The following NXN variants were observed in gnomAD, a reference collection of about 807,000 sequenced individuals.
NXN encodes nucleoredoxin 1.
NXN carries 16 observed loss-of-function variants against 48.6 expected under a neutral mutation model. That is an observed-to-expected ratio of 0.33 (90% CI 0.22 to 0.50). The LOEUF (loss-of-function observed/expected upper bound fraction) is 0.50. Ranked by LOEUF, NXN falls within the 20% of genes least tolerant of loss-of-function variation. The probability of loss-of-function intolerance (pLI) is 0.98; values close to 1 mark genes in which losing one functional copy is unlikely to be tolerated. For synonymous variants in NXN, 281 were observed against 269.6 expected (o/e 1.04, Z -0.41); for missense variants, 492 against 605.5 (o/e 0.81, Z 1.97).
chr17:839,254 G>A (rs1201999899), intron 1 of NXN, among the ~76,000 whole-genome samples: 3 of 151,878 alleles, frequency 2.0e-5, no homozygotes, highest in Non-Finnish European at 4.4e-5. Context: ...GGCCAACATG[G>A]TGAAACCCCA....
intron 1 of NXN, among the ~76,000 whole-genome samples, chr17:869,552 A>G (rs1045275686): frequency 1.3e-5 from 2 of 152,174 alleles, no homozygotes. Context: ...CACATACTTT[A>G]AGTATTATTT....
chr17:843,064 AAAGCAAGCAAGC>A (rs200717420), intron 1 of NXN, among the ~76,000 whole-genome samples: 13 of 138,098 alleles, frequency 9.4e-5, no homozygotes, highest in African/African-American at 3.0e-4. Flanking sequence ...AAGAAGGAAG[AAAGCAAGCAAGC>A]AAGCTGCACC....
At chr17:889,927 A>G (rs1205470198) in intron 1 of NXN, among the ~76,000 whole-genome samples, 1 of 152,042 alleles carries the variant, frequency 6.6e-6, no homozygotes, top group Non-Finnish European at 1.5e-5. Context: ...CGCTCCCCCA[A>G]CCTGCCGTAG....
chr17:844,577 T>C (rs543044456), intron 1 of NXN, among the ~76,000 whole-genome samples: 41 of 152,100 alleles, frequency 2.7e-4, no homozygotes, highest in Non-Finnish European at 5.7e-4. Context: ...GGTTTCTTTT[T>C]TTCTTTTCTT....
intron 1 of NXN, among the ~76,000 whole-genome samples, chr17:860,382 C>G (rs2068029415): frequency 1.1e-5 from 1 of 95,168 alleles, no homozygotes; most frequent in African/African-American, 4.3e-5. Flanking sequence ...CCTTGGCCTC[C>G]CAAAGTGCTG....
At chr17:871,717 T>C (rs957425148) in intron 1 of NXN, among the ~76,000 whole-genome samples, 5 of 152,170 alleles carry the variant, frequency 3.3e-5, no homozygotes, top group African/African-American at 1.2e-4. Flanking sequence ...TTGCTTTTGA[T>C]AAGTTTCCCT....
At chr17:843,195 AAC>A (rs1914478424) in intron 1 of NXN, among the ~76,000 whole-genome samples, 1 of 152,246 alleles carries the variant, frequency 6.6e-6, no homozygotes, top group Non-Finnish European at 1.5e-5. Context: ...AAATGTGCCG[AAC>A]GCAAAGTATT....
At chr17:804,274 CTTTTTTTTT>C (rs11325268) in intron 6 of NXN, among the ~76,000 whole-genome samples, 3 of 88,932 alleles carry the variant, frequency 3.4e-5, no homozygotes, top group Non-Finnish European at 6.4e-5. Context: ...TGGTCAGCGG[CTTTTTTTTT>C]TTTTTTTTTT....
chr17:894,894 C>T (rs917917525), intron 1 of NXN, among the ~76,000 whole-genome samples: 58 of 151,844 alleles, frequency 3.8e-4, no homozygotes, highest in Non-Finnish European at 6.9e-4. Flanking sequence ...ATGGCTGAAA[C>T]GTGGGCACAC....
At chr17:970,194 G>A (rs1056547846) in intron 1 of NXN, among the ~76,000 whole-genome samples, 12 of 152,138 alleles carry the variant, frequency 7.9e-5, no homozygotes, top group Non-Finnish European at 1.8e-4. Flanking sequence ...CCCGAGTAAC[G>A]GCACTGGGCT....
chr17:892,931 G>A (rs139240370), intron 1 of NXN, among the ~76,000 whole-genome samples: 91 of 152,340 alleles, frequency 6.0e-4, no homozygotes, highest in Non-Finnish European at 1.0e-3. Flanking sequence ...CAAATGTAGC[G>A]CACCAATGCA....
At chr17:865,306 G>A (rs935060538) in intron 1 of NXN, among the ~76,000 whole-genome samples, 1 of 151,750 alleles carries the variant, frequency 6.6e-6, no homozygotes, top group Non-Finnish European at 1.5e-5. Flanking sequence ...GCAATGGCAC[G>A]ATCTTGGCTC....
rs1331652215 is a variant in NXN at position 855,159 on chromosome 17, C to T, written c.361-29081G>A. On this transcript the variant is annotated intron_variant, in intron 1 of 7. Coordinates refer to ENST00000336868, the MANE Select transcript of NXN (RefSeq NM_022463.5). ...GGTGTGGTGGAGCAAACCGGTAGTC[C>T]CAGATAACTGGGAGGCTGAGAAGGG... Among the ~76,000 whole-genome samples the T allele has an allele frequency of 2.0e-5, 3 of 152,104 alleles. No homozygotes were observed. The South Asian group carries it at 6.2e-4, about 32-fold the overall frequency.
At chr17:812,893 T>C (rs943641872) in intron 5 of NXN, among the ~76,000 whole-genome samples, 7 of 144,952 alleles carry the variant, frequency 4.8e-5, no homozygotes, top group Non-Finnish European at 7.5e-5. Flanking sequence ...CATGTGAATG[T>C]AGGTGTGTGC....
chr17:952,768 GAC>G (rs1449482967), intron 1 of NXN, among the ~76,000 whole-genome samples: 4 of 96,678 alleles, frequency 4.1e-5, no homozygotes, highest in African/African-American at 1.4e-4. Flanking sequence ...GCTGGAGTCA[GAC>G]AGACCAAGGT....
intron 1 of NXN, among the ~76,000 whole-genome samples, chr17:902,236 C>T (rs568974323): frequency 2.6e-5 from 4 of 152,332 alleles, no homozygotes; most frequent in South Asian, 2.1e-4. Flanking sequence ...CCACGTCCGC[C>T]GTCCGTTCCA....
intron 1 of NXN, among the ~76,000 whole-genome samples, chr17:912,001 G>A (rs1043007802): frequency 4.0e-5 from 6 of 150,136 alleles, no homozygotes; most frequent in Non-Finnish European, 8.9e-5. Flanking sequence ...ACAGTGGCGC[G>A]ATCTCGGCTC....
chr17:913,960 C>T (rs1362280991), intron 1 of NXN, among the ~76,000 whole-genome samples: 1 of 152,138 alleles, frequency 6.6e-6, no homozygotes, highest in Admixed American at 6.6e-5. Flanking sequence ...AGTGCAGTGG[C>T]ACAATCTTGG....
chr17:911,742 A>G (rs1369970785), intron 1 of NXN, among the ~76,000 whole-genome samples: 2 of 150,204 alleles, frequency 1.3e-5, no homozygotes, highest in East Asian at 3.9e-4. Context: ...CTGGGATTAC[A>G]GGTGTGAGCC....
Sources: gnomAD v4.1 joint callset for allele counts (sites outside exome capture counted in the v4.1 genomes callset) on GRCh38, gnomAD v4.1.1 for gene constraint, MANE v1.5 for transcripts, NCBI Gene and HGNC (gene_info 2026-07-23, HGNC 2026-07-21) for gene names.